Variants in BAHD1 observed in about 807,000 individuals in gnomAD.
BAHD1 encodes the protein bromo adjacent homology domain containing 1.
In BAHD1, 20 loss-of-function variants were observed where a neutral mutation model predicts 63.1. The ratio of observed to expected loss-of-function variants is 0.32; its 90% CI spans 0.22 to 0.46. The LOEUF is 0.46. Ranked by LOEUF, BAHD1 falls within the 20% of genes least tolerant of loss-of-function variation. BAHD1 has a pLI of 1.00. For synonymous variants in BAHD1, 408 were observed against 426.8 expected (o/e 0.96, Z 0.54); for missense variants, 939 against 1,071.8 (o/e 0.88, Z 1.73).
upstream of BAHD1, among the ~76,000 whole-genome samples, chr15:40,439,085 G>A (rs1210149087): frequency 2.0e-5 from 3 of 152,174 alleles, no homozygotes; most frequent in East Asian, 1.9e-4. Flanking sequence ...GGGCGCTGCC[G>A]GGAACCTCTG....
chr15:40,449,171 A>G (rs529919740), intron 1 of BAHD1, among the ~76,000 whole-genome samples: 2 of 152,254 alleles, frequency 1.3e-5, no homozygotes, highest in East Asian at 1.9e-4. Flanking sequence ...AATGGTAACA[A>G]CTAGCTCATA....
In BAHD1 at chr15:40,465,938, C is replaced by T. The variant is rs1490752576; in HGVS notation, c.2154-3C>T. The T allele has an allele frequency of 4.4e-6, 7 of 1,579,364 alleles. No individual in the cohort carries two copies. The highest frequency in any genetic ancestry group is 1.9e-5 in the Admixed American group (1 of 53,864). ...AAAGACAGTGAATGGTATCTCTCTA[C>T]AGGTTCTGTGCCATGGCCAAGCGCC... is the stretch of plus-strand genomic sequence containing the variant. On this transcript the variant is annotated splice_polypyrimidine_tract_variant and splice_region_variant and intron_variant, in intron 6 of 6. Coordinates refer to ENST00000416165, the MANE Select transcript of BAHD1 (RefSeq NM_014952.5).
chr15:40,466,173 C>T lies in BAHD1; in HGVS notation c.*43C>T, dbSNP rs1448741422. The T allele has an allele frequency of 6.3e-7, 1 of 1,586,568 alleles. No individual in the cohort carries two copies. Among genetic ancestry groups the T allele is most frequent in the African/African-American group, 1.3e-5 (1 of 74,446 alleles). On this transcript the variant is annotated 3_prime_UTR_variant, in exon 7 of 7. Transcript: ENST00000416165. Reference sequence around the variant, plus strand: ...TGGGGCTACCCATGGGCAAGTGGGGCTCGGGGTAGGGGGCACTGCTTGAAG... The same window carrying T: ...TGGGGCTACCCATGGGCAAGTGGGGTTCGGGGTAGGGGGCACTGCTTGAAG...
upstream of BAHD1, among the ~76,000 whole-genome samples, chr15:40,440,613 G>A (rs997982240): frequency 6.6e-6 from 1 of 152,012 alleles, no homozygotes; most frequent in South Asian, 2.1e-4. Flanking sequence ...TCGAGTCACC[G>A]TGGGATACGG....
At chr15:40,452,865 C>T (rs73309) in intron 1 of BAHD1, among the ~76,000 whole-genome samples, 2,055 of 152,270 alleles carry the variant, frequency 0.013, 32 homozygotes, top group African/African-American at 0.045. Flanking sequence ...TAAACTGAAC[C>T]CCCCACAACT....
rs546245809 is a variant in BAHD1 at position 40,442,237 on chromosome 15, G to C, written c.-15+969G>C. Among the ~76,000 whole-genome samples the C allele has an allele frequency of 2.0e-5, 3 of 152,116 alleles. No individual in the cohort carries two copies. In the South Asian group the frequency reaches 6.2e-4, roughly 32 times the overall value. ...GCGCAGGTGGTGGCGTCGGGGAGGG[G>C]AGCGGGTCCGAGGCACCCACTCCGA... On this transcript the variant is annotated intron_variant, in intron 1 of 6. Coordinates refer to ENST00000416165, the MANE Select transcript of BAHD1 (RefSeq NM_014952.5).
At chr15:40,450,999 G>A (rs576230565) in intron 1 of BAHD1, among the ~76,000 whole-genome samples, 4 of 151,962 alleles carry the variant, frequency 2.6e-5, no homozygotes, top group African/African-American at 7.2e-5. Context: ...TTAGCTGGGC[G>A]TGGTGGTGGG....
chr15:40,439,041 G>A (rs904519795), upstream of BAHD1, among the ~76,000 whole-genome samples: 2 of 152,212 alleles, frequency 1.3e-5, no homozygotes, highest in African/African-American at 4.8e-5. Flanking sequence ...ATTCTGTGAG[G>A]TGGGGAGTAG....
intron 1 of BAHD1, among the ~76,000 whole-genome samples, chr15:40,451,152 A>AC (rs1271321183): frequency 3.4e-4 from 49 of 143,386 alleles, no homozygotes; most frequent in African/African-American, 1.4e-3. Context: ...TCTCAAAAAA[A>AC]AAAAAAAAAA....
Position 40,442,520 on chromosome 15 carries a change from A to AGG in BAHD1, c.-15+1255_-15+1256dup, listed in dbSNP as rs375813625. Reference sequence around the variant, plus strand: ...GCCGCTGTAGAGCCTGTCAAGAATGAGGGGTTTTTCAACAAGCAGAGTCTG... The same window carrying AGG: ...GCCGCTGTAGAGCCTGTCAAGAATGAGGGGGGTTTTTCAACAAGCAGAGTCTG... On this transcript the variant is annotated intron_variant, in intron 1 of 6. Coordinates refer to ENST00000416165, the MANE Select transcript of BAHD1 (RefSeq NM_014952.5). Among the ~76,000 whole-genome samples the AGG allele has an allele frequency of 1.1e-3, 161 of 152,262 alleles. 1 individual carries two copies. The highest frequency in any genetic ancestry group is 3.7e-3 in the African/African-American group (153 of 41,550).
chr15:40,442,901 C>G (rs1051783977), intron 1 of BAHD1, among the ~76,000 whole-genome samples: 1 of 152,220 alleles, frequency 6.6e-6, no homozygotes, highest in Admixed American at 6.5e-5. Flanking sequence ...AGGGGCACCA[C>G]TGTCCTTGGC....
chr15:40,464,045 C>T (rs749932489), intron 4 of BAHD1, 25 bp downstream of exon 4: 2 of 1,611,956 alleles, frequency 1.2e-6, no homozygotes, highest in Admixed American at 1.7e-5. Flanking sequence ...GGCTGGGGAC[C>T]CAAGGGGCAG....
At chr15:40,444,635 T>C (rs1481577878) in intron 1 of BAHD1, among the ~76,000 whole-genome samples, 2 of 145,944 alleles carry the variant, frequency 1.4e-5, no homozygotes, top group African/African-American at 5.0e-5. Flanking sequence ...GGGGCTGGTT[T>C]GGAAGAGGTG....
intron 1 of BAHD1, among the ~76,000 whole-genome samples, chr15:40,444,109 CTGTGTGTGTG>C (rs10692881): frequency 4.7e-5 from 7 of 150,218 alleles, no homozygotes; most frequent in African/African-American, 1.5e-4. Flanking sequence ...TGTTAAACCT[CTGTGTGTGTG>C]TGTGTGTGTG....
rs200977266 is a variant in BAHD1, at chr15:40,462,220, C to T, written c.1741C>T (p.Arg581Cys). Residue 581 changes from arginine to cysteine, a missense_variant, in exon 3 of 7, where the codon CGC (arginine) becomes TGC (cysteine). This residue lies in a region of BAHD1 where 797 missense variants were observed against 813.3 expected (regional missense o/e 0.98). Transcript: ENST00000416165. ...KQPRVQRPRP[R>C]RRRRRRTNGW... Reference sequence around the variant, plus strand: ...GCCACGTGTCCAGCGCCCACGCCCTCGCCGCCGCCGTCGCCGCCGCACTAA... The same window carrying T: ...GCCACGTGTCCAGCGCCCACGCCCTTGCCGCCGCCGTCGCCGCCGCACTAA... 1.4e-5 allele frequency: 23 copies of T among 1,611,496 alleles called. No individual in the cohort carries two copies. Among genetic ancestry groups the T allele is most frequent in the East Asian group, 4.5e-5 (2 of 44,838 alleles).
At chr15:40,441,851 G>A (rs1319666163) in intron 1 of BAHD1, among the ~76,000 whole-genome samples, 2 of 150,716 alleles carry the variant, frequency 1.3e-5, no homozygotes, top group Non-Finnish European at 3.0e-5. Context: ...CTGGATGGGG[G>A]GCAGGGGATG....
At chr15:40,456,781 G>A (rs1267521261) in intron 1 of BAHD1, among the ~76,000 whole-genome samples, 2 of 152,208 alleles carry the variant, frequency 1.3e-5, no homozygotes, top group African/African-American at 4.8e-5. Flanking sequence ...AATAGCAGTG[G>A]GGAAATTAAG....
rs1893905808 is a variant in BAHD1 at position 40,458,219 on chromosome 15, A to G, written c.-14-232A>G. Among the ~76,000 whole-genome samples the G allele has an allele frequency of 6.6e-6, 1 of 152,062 alleles. No homozygotes were observed. The highest frequency in any genetic ancestry group is 1.5e-5 in the Non-Finnish European group (1 of 68,008). The stretch of plus-strand genomic sequence containing the variant: ...CTCTTCAGGGGCTTAGTTCAGAGAT[A>G]CCCTAGGCTAAAAGGAAAGAGGAGG... On this transcript the variant is annotated intron_variant, in intron 1 of 6. Transcript: ENST00000416165. This position sits in a 1 kb window ranked among gnomAD's most constrained non-coding sequence, Gnocchi z 4.7.
upstream of BAHD1, among the ~76,000 whole-genome samples, chr15:40,440,276 TGGAAA>T (rs1893362115): frequency 1.3e-5 from 2 of 151,988 alleles, no homozygotes; most frequent in South Asian, 4.2e-4. Flanking sequence ...CCGACCTTGC[TGGAAA>T]GGAAAGGAGA....
Sources: gnomAD v4.1 joint callset for allele counts (sites outside exome capture counted in the v4.1 genomes callset) on GRCh38, gnomAD v4.1.1 for gene constraint, gnomAD v4.1.1 regional missense constraint, Gnocchi (gnomAD v3.1) non-coding constraint, MANE v1.5 for transcripts, NCBI Gene and HGNC (gene_info 2026-07-23, HGNC 2026-07-21) for gene names.